RGS20: variants seen among roughly 807,000 people sequenced by gnomAD.
RGS20 encodes gz-selective GTPase-activating protein.
A neutral mutation model predicts 33.6 loss-of-function variants in RGS20; 30 were observed. The ratio of observed to expected loss-of-function variants is 0.89; its 90% confidence interval spans 0.67 to 1.21. The LOEUF is 1.21. RGS20 is among the 50% of genes most tolerant of loss of function. RGS20 has a pLI of 0.00. For synonymous variants in RGS20, 208 were observed against 197.9 expected (o/e 1.05, Z -0.43); for missense variants, 472 against 502.4 (o/e 0.94, Z 0.58).
intron 2 of RGS20, among the ~76,000 whole-genome samples, chr8:53,912,892 TAGTC>T (rs750903225): frequency 6.6e-6 from 1 of 152,172 alleles, no homozygotes; most frequent in African/African-American, 2.4e-5. Context: ...TGTCTAAAAG[TAGTC>T]AGTAAGTTTT....
chr8:53,930,042 G>A (rs1585931662), intron 2 of RGS20, among the ~76,000 whole-genome samples: 1 of 152,136 alleles, frequency 6.6e-6, no homozygotes, highest in East Asian at 1.9e-4. Context: ...AGACAAAGGT[G>A]CCTAGTACTA....
intron 1 of RGS20, among the ~76,000 whole-genome samples, chr8:53,863,034 G>A (rs1383340810): frequency 6.6e-6 from 1 of 152,060 alleles, no homozygotes; most frequent in Non-Finnish European, 1.5e-5. Context: ...TGTTTCTCAG[G>A]CTGGAGTACA....
intron 2 of RGS20, among the ~76,000 whole-genome samples, chr8:53,904,919 T>C (rs1813124816): frequency 6.6e-6 from 1 of 152,256 alleles, no homozygotes; most frequent in Admixed American, 6.5e-5. Flanking sequence ...AGTTGAGTTA[T>C]ATAGGATGTT....
intron 3 of RGS20, among the ~76,000 whole-genome samples, chr8:53,941,379 C>T (rs1442211355): frequency 6.6e-6 from 1 of 152,056 alleles, no homozygotes; most frequent in Non-Finnish European, 1.5e-5. Flanking sequence ...ATACGAAGGC[C>T]AACCGAGTTT....
intron 1 of RGS20, among the ~76,000 whole-genome samples, chr8:53,878,073 T>G (rs950065576): frequency 2.6e-5 from 4 of 152,190 alleles, no homozygotes; most frequent in African/African-American, 9.7e-5. Context: ...CTCCCGCGCC[T>G]CACCACCCCA....
chr8:53,911,133 C>G (rs957265821), intron 2 of RGS20, among the ~76,000 whole-genome samples: 1 of 152,130 alleles, frequency 6.6e-6, no homozygotes, highest in Non-Finnish European at 1.5e-5. Context: ...TGGATATGAT[C>G]AAAGCAGTAA....
At chr8:53,908,864 C>CA (rs1365801199) in intron 2 of RGS20, among the ~76,000 whole-genome samples, 1 of 151,798 alleles carries the variant, frequency 6.6e-6, no homozygotes, top group African/African-American at 2.4e-5. Flanking sequence ...AAGCAGCATT[C>CA]AAAATCATAT....
At chr8:53,871,629 AT>A (rs544127150) in intron 1 of RGS20, among the ~76,000 whole-genome samples, 1 of 147,890 alleles carries the variant, frequency 6.8e-6, no homozygotes, top group African/African-American at 2.6e-5. Flanking sequence ...AAAAAAAATA[AT>A]AATAATAATA....
rs896558361 is a variant in RGS20, at chr8:53,895,067, G to A, written c.510+15465G>A. Among the ~76,000 whole-genome samples the A allele has an allele frequency of 6.6e-5, 10 of 152,174 alleles. No homozygotes were observed. In the South Asian group the frequency reaches 1.9e-3, roughly 28 times the overall value. The stretch of plus-strand genomic sequence containing the variant: ...GGATATGGGACTTATCGTAGCCATC[G>A]AGACAAGAGATGGGGCCGCCAGCCT... On this transcript the variant is annotated intron_variant, in intron 2 of 5. Transcript: ENST00000297313.
chr8:53,947,040 T>A (rs1432050943), intron 4 of RGS20, among the ~76,000 whole-genome samples: 1 of 147,618 alleles, frequency 6.8e-6, no homozygotes, highest in African/African-American at 2.5e-5. Flanking sequence ...AATATACTTT[T>A]AAAAATAAAA....
In RGS20 at chr8:53,852,032, G is replaced by A; in HGVS notation, c.133G>A (p.Glu45Lys). ...AGACATTCACCAAATCACAGAAAAT[G>A]AAGGAGACCTCAGGGCTGTTCCTGA... Residue 45 changes from glutamate (E) to lysine (K), a missense_variant, in exon 1 of 6, where the codon GAA (glutamate) becomes AAA (lysine). Physicochemically the swap from Glu to Lys is moderately conservative, Grantham distance 56 (BLOSUM62 1). Around this residue, in one of 3 missense-constraint regions of RGS20, gnomAD observed 319 missense variants for 283.4 expected, o/e 1.13. Transcript: ENST00000297313. The A allele has an allele frequency of 6.2e-7, 1 of 1,614,048 alleles. No individual in the cohort carries two copies. Among genetic ancestry groups the A allele is most frequent in the Non-Finnish European group, 8.5e-7 (1 of 1,179,940 alleles).
At chr8:53,889,777 CT>C (rs1812662742) in intron 2 of RGS20, among the ~76,000 whole-genome samples, 1 of 150,814 alleles carries the variant, frequency 6.6e-6, no homozygotes, top group Admixed American at 6.6e-5. Flanking sequence ...CAAATCTCTT[CT>C]TCCAGTCTGG....
intron 2 of RGS20, among the ~76,000 whole-genome samples, chr8:53,919,086 T>A (rs1023376931): frequency 1.3e-5 from 2 of 152,234 alleles, no homozygotes; most frequent in Non-Finnish European, 2.9e-5. Flanking sequence ...TCTACTTTTA[T>A]TTTACCCATC....
chr8:53,947,144 G>A (rs1814509676), intron 4 of RGS20, among the ~76,000 whole-genome samples: 1 of 143,334 alleles, frequency 7.0e-6, no homozygotes, highest in Non-Finnish European at 1.5e-5. Flanking sequence ...CTATATATAT[G>A]ATATAGTATA....
chr8:53,897,802 A>G (rs1451087549), intron 2 of RGS20, among the ~76,000 whole-genome samples: 1 of 152,252 alleles, frequency 6.6e-6, no homozygotes, highest in African/African-American at 2.4e-5. Context: ...CAAAGGCTCA[A>G]ATAAATTCCT....
intron 2 of RGS20, among the ~76,000 whole-genome samples, chr8:53,884,988 C>A (rs149912680): frequency 1.3e-4 from 20 of 152,324 alleles, no homozygotes; most frequent in African/African-American, 4.8e-4. Flanking sequence ...TTTTAGAAAT[C>A]ATTTTTGAGC....
Position 53,943,763 on chromosome 8 carries a change from T to C in RGS20, c.660-2902T>C, listed in dbSNP as rs376976988. 9.2e-5 allele frequency among the ~76,000 whole-genome samples: 14 copies of C among 152,266 alleles called. No homozygotes were observed. The South Asian group carries it at 2.7e-3, about 29-fold the overall frequency. ...GGAACTCCTGTCAAATTCATCTCTT[T>C]TTTCCTCTGCTTTTTCATACCCACT... On this transcript the variant is annotated intron_variant, in intron 3 of 5. Transcript: ENST00000297313.
intron 2 of RGS20, among the ~76,000 whole-genome samples, chr8:53,892,065 G>A (rs187159814): frequency 3.9e-5 from 6 of 151,922 alleles, no homozygotes; most frequent in Admixed American, 2.0e-4. Flanking sequence ...AACAGTCCCC[G>A]GAGTGTGATG....
intron 3 of RGS20, chr8:53,945,367 T>C (rs1462558001): frequency 6.6e-6 from 1 of 152,130 alleles, no homozygotes; most frequent in Non-Finnish European, 1.5e-5. Flanking sequence ...AAAGATCACA[T>C]ACGGTATGCT....
Sources: gnomAD v4.1 joint callset for allele counts (sites outside exome capture counted in the v4.1 genomes callset) on GRCh38, gnomAD v4.1.1 for gene constraint, gnomAD v4.1.1 regional missense constraint, MANE v1.5 for transcripts, NCBI Gene and HGNC (gene_info 2026-07-23, HGNC 2026-07-21) for gene names.